Variants in SYCP2L observed in about 807,000 individuals in gnomAD.
The protein encoded by SYCP2L is synaptonemal complex protein 2-like.
SYCP2L carries 98 observed loss-of-function variants against 125.8 expected under a neutral mutation model. The ratio of observed to expected loss-of-function variants is 0.78; its 90% CI spans 0.66 to 0.92. The LOEUF (loss-of-function observed/expected upper bound fraction) is 0.92. Among genes scored for constraint, SYCP2L ranks in the 40% least tolerant of loss-of-function variants. The pLI, the probability that SYCP2L is intolerant of heterozygous loss-of-function variation, is 0.00. For synonymous variants in SYCP2L, 317 were observed against 325.4 expected (o/e 0.97, Z 0.28); for missense variants, 842 against 936.4 (o/e 0.90, Z 1.32).
Position 10,887,411 on chromosome 6 carries a change from T to G in SYCP2L, c.9+276T>G, listed in dbSNP as rs11969518. 7.2e-3 allele frequency among the ~76,000 whole-genome samples: 1,104 copies of G among 152,324 alleles called. 22 individuals carry two copies. The highest frequency in any genetic ancestry group is 0.025 in the African/African-American group (1,041 of 41,572). On this transcript the variant is annotated intron_variant, in intron 1 of 29. Transcript: ENST00000283141. Reference sequence around the variant, plus strand: ...TTCGGAAAGCAATGAGATAGTTCTTTTCTAGTTGCTTTGCGTATTTTCCTA... The same window carrying G: ...TTCGGAAAGCAATGAGATAGTTCTTGTCTAGTTGCTTTGCGTATTTTCCTA...
chr6:10,913,564 G>C (rs1257893347), intron 14 of SYCP2L, among the ~76,000 whole-genome samples: 1 of 151,900 alleles, frequency 6.6e-6, no homozygotes, highest in Non-Finnish European at 1.5e-5. Flanking sequence ...CTTTTGGATG[G>C]GATTTTTTTT....
At chr6:10,936,841 CAA>C (rs959198998) in intron 21 of SYCP2L, among the ~76,000 whole-genome samples, 5 of 151,982 alleles carry the variant, frequency 3.3e-5, no homozygotes, top group South Asian at 4.2e-4. Context: ...AAATTTGTCA[CAA>C]GAGACAAAGA....
In SYCP2L at chr6:10,888,066, CTTTTTTTTTTTTTTTTT is replaced by C. The variant is rs70991066; in HGVS notation, c.9+963_9+979del. ...AATCCTTCCATATAGGTGTTACCATCTTTTTTTTTTTTTTTTTTTTTTTTTTTTTTTTTTTTTTTTTT... is the reference window on the plus strand; with the variant it reads ...AATCCTTCCATATAGGTGTTACCATCTTTTTTTTTTTTTTTTTTTTTTTTT... On this transcript the variant is annotated intron_variant, in intron 1 of 29. Transcript: ENST00000283141. Among the ~76,000 whole-genome samples, 153 of 74,314 alleles carry C rather than the reference CTTTTTTTTTTTTTTTTT, an allele frequency of 2.1e-3. 8 individuals carry two copies. Among genetic ancestry groups the C allele is most frequent in the Admixed American group, 5.0e-3 (27 of 5,434 alleles). The allele number at this position is 74,314 out of a possible 152,430, so 48.8% of individuals were successfully genotyped here.
intron 5 of SYCP2L, among the ~76,000 whole-genome samples, chr6:10,898,457 G>A (rs1381610776): frequency 6.6e-6 from 1 of 152,202 alleles, no homozygotes; most frequent in Non-Finnish European, 1.5e-5. Flanking sequence ...AGCTTATATA[G>A]TGAGCCGAGA....
At position 10,911,903 on chromosome 6, in the gene SYCP2L, T is replaced by C. The variant is rs1299405683; in HGVS notation, c.919-770T>C. ...TGTTGGGGAATAAAAGCTTTTTTTT[T>C]TTTTTTTTTTTTTTTTGAGACGGAG... is the stretch of plus-strand genomic sequence containing the variant. On this transcript the variant is annotated intron_variant, in intron 12 of 29. Transcript: ENST00000283141. Among the ~76,000 whole-genome samples the C allele has an allele frequency of 3.3e-4, 40 of 120,244 alleles. 1 individual carries two copies. The highest frequency in any genetic ancestry group is 1.7e-4 in the Admixed American group (2 of 11,724). 78.9% of individuals were successfully genotyped at this position (120,244 alleles called of 152,430 possible). A position where few individuals can be genotyped will look rare whatever the true frequency, so the allele number is the denominator to read the frequency against.
intron 14 of SYCP2L, among the ~76,000 whole-genome samples, chr6:10,914,747 T>G (rs147882619): frequency 0.19 from 27,927 of 147,838 alleles, 3,209 homozygotes; most frequent in East Asian, 0.31. Context: ...AGTTTTTTTT[T>G]TTTTTTTTTT....
At chr6:10,903,502 C>T (rs922256635) in intron 8 of SYCP2L, among the ~76,000 whole-genome samples, 5 of 151,866 alleles carry the variant, frequency 3.3e-5, no homozygotes, top group Non-Finnish European at 7.4e-5. Context: ...GAGCCGAGAT[C>T]GCGCCACTGT....
At chr6:10,946,822 T>A (rs112017702) in intron 23 of SYCP2L, among the ~76,000 whole-genome samples, 5 of 152,180 alleles carry the variant, frequency 3.3e-5, no homozygotes, top group African/African-American at 1.2e-4. Flanking sequence ...TCTAAATACG[T>A]CTAAGATAAA....
intron 1 of SYCP2L, among the ~76,000 whole-genome samples, chr6:10,888,008 A>G (rs1453770911): frequency 6.8e-6 from 1 of 146,914 alleles, no homozygotes; most frequent in Non-Finnish European, 1.5e-5. Context: ...TGCTAAGAAC[A>G]TTACAGACAT....
rs200404454 is a variant in SYCP2L at position 10,974,216 on chromosome 6, C to A, written c.*302C>A. 1.3e-5 allele frequency: 2 copies of A among 150,862 alleles called. No individual in the cohort carries two copies. The highest frequency in any genetic ancestry group is 3.0e-5 in the Non-Finnish European group (2 of 67,714). The allele number at this position is 150,862 out of a possible 1,614,324, so 9.3% of individuals were successfully genotyped here. ...TGTTAAACAACTTGGAGTGGTGTTG[C>A]TTTTTTTTTATAAAAGTAAAATGGA... On this transcript the variant is annotated 3_prime_UTR_variant, in exon 30 of 30. Coordinates refer to ENST00000283141, the MANE Select transcript of SYCP2L (RefSeq NM_001040274.3).
chr6:10,887,260 A>G, intron 1 of SYCP2L, 125 bp downstream of exon 1: 17 of 1,312,358 alleles, frequency 1.3e-5, no homozygotes, highest in Non-Finnish European at 1.7e-5. Context: ...TGCTGGGCAT[A>G]GTCCCCCGCC....
chr6:10,965,201 T>A (rs1018143056), intron 29 of SYCP2L, among the ~76,000 whole-genome samples: 4 of 152,090 alleles, frequency 2.6e-5, no homozygotes. Flanking sequence ...CCAGAAGGCG[T>A]TTGGTGTCCA....
chr6:10,908,232 C>T (rs1229623743), intron 10 of SYCP2L, among the ~76,000 whole-genome samples: 2 of 151,468 alleles, frequency 1.3e-5, no homozygotes, highest in African/African-American at 4.9e-5. Flanking sequence ...TTGATGGATC[C>T]AGTTAAAAAA....
chr6:10,906,644 C>A (rs376156873), intron 9 of SYCP2L, among the ~76,000 whole-genome samples: 1 of 150,766 alleles, frequency 6.6e-6, no homozygotes, highest in African/African-American at 2.4e-5. Flanking sequence ...GTTGGCCAGG[C>A]TGGAGTGCAA....
chr6:10,929,493 T>C (rs1780954147), intron 18 of SYCP2L, among the ~76,000 whole-genome samples: 1 of 152,230 alleles, frequency 6.6e-6, no homozygotes, highest in Admixed American at 6.5e-5. Flanking sequence ...ACAGCATTTA[T>C]GAAAATTAAT....
intron 4 of SYCP2L, among the ~76,000 whole-genome samples, chr6:10,897,443 T>C (rs1277132002): frequency 6.7e-6 from 1 of 149,490 alleles, no homozygotes; most frequent in Non-Finnish European, 1.5e-5. Context: ...GGGGTCTCGC[T>C]CTGTTCCCCA....
intron 23 of SYCP2L, among the ~76,000 whole-genome samples, chr6:10,943,210 C>T (rs1781253877): frequency 1.3e-5 from 2 of 152,160 alleles, no homozygotes; most frequent in Non-Finnish European, 1.5e-5. Context: ...CAGTCTGGTT[C>T]ACAATGTTGT....
intron 23 of SYCP2L, among the ~76,000 whole-genome samples, chr6:10,946,474 T>C (rs537947713): frequency 3.9e-5 from 6 of 152,256 alleles, no homozygotes; most frequent in Admixed American, 2.0e-4. Flanking sequence ...TTGAATTCCA[T>C]TGGCCTACCC....
chr6:10,906,050 G>T lies in SYCP2L; in HGVS notation c.672G>T (p.Val224=). The T allele has an allele frequency of 6.3e-7, 1 of 1,595,386 alleles. No individual in the cohort carries two copies. The highest frequency in any genetic ancestry group is 1.1e-5 in the South Asian group (1 of 89,412). The part of the protein sequence containing the change: ...MKDLARTLLT[V]GDYDQQVAIS... ...ACCTTGCAAGGACACTCTTGACTGT[G>T]GGTGGTAAGAAATTTTAGAATTTTC... Residue 224 remains valine (V), a synonymous_variant, in exon 9 of 30, where the codon GTG becomes GTT. Coordinates refer to ENST00000283141, the MANE Select transcript of SYCP2L (RefSeq NM_001040274.3).
Sources: gnomAD v4.1 joint callset for allele counts (sites outside exome capture counted in the v4.1 genomes callset) on GRCh38, gnomAD v4.1.1 for gene constraint, MANE v1.5 for transcripts, NCBI Gene and HGNC (gene_info 2026-07-23, HGNC 2026-07-21) for gene names.